The following PTPRG variants were observed in gnomAD, a reference collection of about 807,000 sequenced individuals.
PTPRG encodes receptor-type tyrosine-protein phosphatase gamma.
PTPRG carries 102 observed loss-of-function variants against 165.3 expected under a neutral mutation model. The observed-to-expected ratio is 0.62, with a 90% CI of 0.53 to 0.73. PTPRG has a LOEUF of 0.73. PTPRG is among the 30% of genes least tolerant of loss of function. The pLI is 0.00. For missense variants in PTPRG, 1,866 were observed against 1,861.4 expected, an observed-to-expected ratio of 1.00 and a Z score of -0.05; for synonymous variants, 675 against 669.5, an observed-to-expected ratio of 1.01 and a Z score of -0.13.
chr3:62,047,713 A>T (rs554023352), intron 4 of PTPRG, among the ~76,000 whole-genome samples: 5 of 152,220 alleles, frequency 3.3e-5, no homozygotes, highest in African/African-American at 2.4e-5. Flanking sequence ...CTGGATGTCA[A>T]TGCTGAGCTC....
rs1475297138 is a variant in PTPRG at position 61,657,575 on chromosome 3, T to C, written c.86-91303T>C. Reference sequence around the variant, plus strand: ...GATCAGTTGAACCCAGGAGGTGTTCTCAACTCTGGCACATGCTTGTAGCTG... The same window carrying C: ...GATCAGTTGAACCCAGGAGGTGTTCCCAACTCTGGCACATGCTTGTAGCTG... On this transcript the variant is annotated intron_variant, in intron 1 of 29. Transcript: ENST00000474889. Among the ~76,000 whole-genome samples the C allele has an allele frequency of 5.3e-5, 8 of 152,290 alleles. 1 individual carries two copies. The highest frequency in any genetic ancestry group is 5.2e-4 in the Admixed American group (8 of 15,290).
intron 1 of PTPRG, among the ~76,000 whole-genome samples, chr3:61,611,986 A>G (rs1483675516): frequency 1.3e-5 from 2 of 152,180 alleles, no homozygotes; most frequent in Non-Finnish European, 2.9e-5. Context: ...TCCATTGCCC[A>G]GGCTGGAGTG....
At chr3:62,251,735 A>G (rs1701423653) in intron 15 of PTPRG, among the ~76,000 whole-genome samples, 1 of 152,202 alleles carries the variant, frequency 6.6e-6, no homozygotes, top group Non-Finnish European at 1.5e-5. Flanking sequence ...CCTTGAAATT[A>G]TAGTACTTTG....
chr3:61,618,779 A>T (rs1210815720), intron 1 of PTPRG, among the ~76,000 whole-genome samples: 11 of 152,016 alleles, frequency 7.2e-5, no homozygotes, highest in Non-Finnish European at 7.4e-5. Context: ...GAGTCAATAC[A>T]GTAAAAAATG....
intron 1 of PTPRG, among the ~76,000 whole-genome samples, chr3:61,676,739 AT>A (rs1014829621): frequency 1.2e-4 from 18 of 152,144 alleles, no homozygotes; most frequent in Non-Finnish European, 2.1e-4. Flanking sequence ...ACTAATTCCC[AT>A]TTCTCAGCTG....
At chr3:61,948,467 T>C (rs2039818858) in intron 2 of PTPRG, among the ~76,000 whole-genome samples, 1 of 152,122 alleles carries the variant, frequency 6.6e-6, no homozygotes, top group South Asian at 2.1e-4. Context: ...ACCAAACACC[T>C]CAAATTTCTT....
chr3:61,782,536 A>G (rs955785924), intron 2 of PTPRG, among the ~76,000 whole-genome samples: 1 of 152,250 alleles, frequency 6.6e-6, no homozygotes, highest in Non-Finnish European at 1.5e-5. Context: ...TGTCATGTGT[A>G]TAAAGACGTC....
chr3:62,158,684 A>G (rs1704630862), intron 7 of PTPRG, among the ~76,000 whole-genome samples: 1 of 152,228 alleles, frequency 6.6e-6, no homozygotes, highest in African/African-American at 2.4e-5. Flanking sequence ...TAGGGGCAGT[A>G]GAGACACTAT....
At position 62,271,045 on chromosome 3, in the gene PTPRG, C is replaced by A. The variant is rs1034777900; in HGVS notation, c.3010-338C>A. On this transcript the variant is annotated intron_variant, in intron 20 of 29. Transcript: ENST00000474889. This position sits in a 1 kb window ranked among gnomAD's most constrained non-coding sequence, Gnocchi z 4.1. ...AGACATGAAAGCAAAGTACTAAGAT[C>A]TGGACTTGGGGCAGAAAGTCAGGAA... 6.6e-6 allele frequency among the ~76,000 whole-genome samples: 1 copy of A among 152,072 alleles called. No individual in the cohort carries two copies. The highest frequency in any genetic ancestry group is 1.5e-5 in the Non-Finnish European group (1 of 68,022).
At chr3:62,073,039 A>T (rs1203596864) in intron 4 of PTPRG, among the ~76,000 whole-genome samples, 1 of 152,200 alleles carries the variant, frequency 6.6e-6, no homozygotes, top group Non-Finnish European at 1.5e-5. Flanking sequence ...CCTACTGGGC[A>T]AATGTGGGAC....
chr3:61,892,839 G>T (rs550214760), intron 2 of PTPRG, among the ~76,000 whole-genome samples: 1 of 151,940 alleles, frequency 6.6e-6, no homozygotes, highest in Non-Finnish European at 1.5e-5. Context: ...AAGTACCTGG[G>T]TCCCTTTAAT....
intron 7 of PTPRG, among the ~76,000 whole-genome samples, chr3:62,161,595 G>T (rs546471506): frequency 1.1e-4 from 16 of 152,174 alleles, no homozygotes; most frequent in Admixed American, 2.6e-4. Flanking sequence ...TAATGATGGG[G>T]TGAAGATGCC....
chr3:61,683,430 A>G (rs1260272086), intron 1 of PTPRG, among the ~76,000 whole-genome samples: 1 of 129,090 alleles, frequency 7.7e-6, no homozygotes, highest in South Asian at 2.3e-4. Context: ...TAAGTCAAGG[A>G]TGTGTTTTTT....
At chr3:61,642,370 C>A (rs1376503134) in intron 1 of PTPRG, among the ~76,000 whole-genome samples, 2 of 152,166 alleles carry the variant, frequency 1.3e-5, no homozygotes, top group Non-Finnish European at 2.9e-5. Flanking sequence ...TCTTGGCCAG[C>A]CTCTTGAGAT....
Position 62,254,673 on chromosome 3 carries a change from T to C in PTPRG, c.2468-451T>C, listed in dbSNP as rs534024339. Reference sequence around the variant, plus strand: ...AAAGGATTGCTTAAAACTTATAAGATTGGAAATAGAACTTAATTGCTTAAA... The same window carrying C: ...AAAGGATTGCTTAAAACTTATAAGACTGGAAATAGAACTTAATTGCTTAAA... On this transcript the variant is annotated intron_variant, in intron 15 of 29. Transcript: ENST00000474889. The surrounding 1 kb of genome is among the most constrained non-coding windows in gnomAD (Gnocchi z 4.6). Among the ~76,000 whole-genome samples, 434 of 152,014 alleles carry C rather than the reference T, an allele frequency of 2.9e-3. 2 individuals are homozygous for C. Among genetic ancestry groups the C allele is most frequent in the African/African-American group, 8.9e-3 (370 of 41,458 alleles).
intron 2 of PTPRG, among the ~76,000 whole-genome samples, chr3:61,959,007 G>C (rs556119004): frequency 3.3e-5 from 5 of 152,170 alleles, no homozygotes; most frequent in Non-Finnish European, 7.4e-5. Flanking sequence ...CTCCTGTGCC[G>C]CACTCACTAT....
intron 2 of PTPRG, among the ~76,000 whole-genome samples, chr3:61,773,178 A>G (rs1215999566): frequency 6.6e-6 from 1 of 152,198 alleles, no homozygotes; most frequent in African/African-American, 2.4e-5. Flanking sequence ...TATGCAATAA[A>G]TTATTTGGAA....
Position 61,942,693 on chromosome 3 carries a change from T to G in PTPRG, c.191-46932T>G, listed in dbSNP as rs574832745. 1.1e-4 allele frequency among the ~76,000 whole-genome samples: 16 copies of G among 152,352 alleles called. No individual in the cohort carries two copies. The South Asian group carries it at 3.3e-3, about 32-fold the overall frequency. On this transcript the variant is annotated intron_variant, in intron 2 of 29. Transcript: ENST00000474889. ...AGCTATTAGCCAGAAGAGCTAAGTCTTAAACTCTGACCTGGACAATTCTGT... is the reference window on the plus strand; with the variant it reads ...AGCTATTAGCCAGAAGAGCTAAGTCGTAAACTCTGACCTGGACAATTCTGT...
At chr3:61,607,997 A>C (rs2106864827) in intron 1 of PTPRG, among the ~76,000 whole-genome samples, 1 of 151,804 alleles carries the variant, frequency 6.6e-6, no homozygotes, top group Middle Eastern at 3.4e-3. Flanking sequence ...TTACCTAATT[A>C]CTTCCAATTT....
Sources: gnomAD v4.1 joint callset for allele counts (sites outside exome capture counted in the v4.1 genomes callset) on GRCh38, gnomAD v4.1.1 for gene constraint, Gnocchi (gnomAD v3.1) non-coding constraint, MANE v1.5 for transcripts, NCBI Gene and HGNC (gene_info 2026-07-23, HGNC 2026-07-21) for gene names.